Variants in AZI2 observed in about 807,000 individuals in gnomAD.
The protein encoded by AZI2 is 5-azacytidine-induced protein 2.
In AZI2, 22 loss-of-function variants were observed where a neutral mutation model predicts 45.8. That is an observed-to-expected ratio of 0.48 (90% CI 0.34 to 0.69). AZI2 has a LOEUF of 0.69. Among genes scored for constraint, AZI2 ranks in the 30% least tolerant of loss-of-function variants. The pLI, the probability that AZI2 is intolerant of heterozygous loss-of-function variation, is 0.01. For synonymous variants in AZI2, 137 were observed against 156.7 expected, an observed-to-expected ratio of 0.87 and a Z score of 0.94; for missense variants, 417 against 441.5, an observed-to-expected ratio of 0.94 and a Z score of 0.50.
chr3:28,340,366 G>C lies in AZI2; in HGVS notation c.216+36C>G, dbSNP rs558790299. The C allele has an allele frequency of 2.2e-6, 3 of 1,346,206 alleles. No homozygotes were observed. In the African/African-American group the frequency reaches 4.4e-5, roughly 20 times the overall value. The allele number at this position is 1,346,206 out of a possible 1,614,324, so 83.4% of individuals were successfully genotyped here. A position where few individuals can be genotyped will look rare whatever the true frequency, so the allele number is the denominator to read the frequency against. On this transcript the variant is annotated intron_variant, in intron 2 of 7. Coordinates refer to ENST00000479665, the MANE Select transcript of AZI2 (RefSeq NM_022461.5). ...TCAAGTATTTTGAATTATTCCTTAT[G>C]TCACAAACGCAATGAAGGTAAAAGA...
At chr3:28,334,804 GC>G (rs1217841957) in intron 5 of AZI2, among the ~76,000 whole-genome samples, 2 of 151,848 alleles carry the variant, frequency 1.3e-5, no homozygotes, top group Non-Finnish European at 2.9e-5. Context: ...TAAAAGTACT[GC>G]CCTTCTGGAT....
chr3:28,338,645 T>C, intron 2 of AZI2, 30 bp from the exon 3 acceptor site: 3 of 1,587,260 alleles, frequency 1.9e-6, no homozygotes, highest in Non-Finnish European at 2.6e-6. Context: ...AGAGAAAGCT[T>C]AAGAGAGTAT....
chr3:28,330,169 A>G (rs1048895073), intron 6 of AZI2, among the ~76,000 whole-genome samples: 5 of 151,212 alleles, frequency 3.3e-5, no homozygotes, highest in African/African-American at 1.2e-4. Flanking sequence ...TCAAAACAGG[A>G]CACTGGCAAG....
intron 6 of AZI2, 99 bp downstream of exon 6, chr3:28,332,270 T>C (rs1390832312): frequency 9.7e-7 from 1 of 1,027,714 alleles, no homozygotes; most frequent in African/African-American, 1.6e-5. Flanking sequence ...ATCCATTTTT[T>C]GTTTTTAAGG....
At chr3:28,344,201 T>A (rs967254300) in intron 1 of AZI2, among the ~76,000 whole-genome samples, 2 of 152,066 alleles carry the variant, frequency 1.3e-5, no homozygotes, top group Admixed American at 6.6e-5. Context: ...TTAAAATAAC[T>A]GTCATTTAAA....
At chr3:28,332,310 C>T (rs1703611489) in intron 6 of AZI2, 59 bp downstream of exon 6, 1 of 1,476,014 alleles carries the variant, frequency 6.8e-7, no homozygotes, top group Non-Finnish European at 9.4e-7. Context: ...TAAGGACCTA[C>T]ACAAAGTGAC....
At chr3:28,335,918 C>G (rs2125652990) in intron 5 of AZI2, among the ~76,000 whole-genome samples, 1 of 152,148 alleles carries the variant, frequency 6.6e-6, no homozygotes, top group Admixed American at 6.6e-5. Flanking sequence ...TACATGAATG[C>G]ATAAAATGGC....
chr3:28,344,219 TA>T (rs1704139202), intron 1 of AZI2, among the ~76,000 whole-genome samples: 1 of 152,008 alleles, frequency 6.6e-6, no homozygotes, highest in African/African-American at 2.4e-5. Context: ...AAATTTGTTA[TA>T]AAATGGAAAA....
intron 6 of AZI2, chr3:28,331,896 A>C (rs1030822101): frequency 4.5e-6 from 7 of 1,548,550 alleles, no homozygotes; most frequent in Non-Finnish European, 6.1e-6. Flanking sequence ...CAGTCCTCAA[A>C]ATTCATGCTA....
At chr3:28,334,167 C>A (rs1703700826) in intron 5 of AZI2, among the ~76,000 whole-genome samples, 1 of 151,760 alleles carries the variant, frequency 6.6e-6, no homozygotes. Context: ...ACTAAAACAA[C>A]ACTATTATAT....
At chr3:28,338,432 C>T (rs1703882639) in intron 3 of AZI2, 61 bp downstream of exon 3, 1 of 1,469,952 alleles carries the variant, frequency 6.8e-7, no homozygotes, top group South Asian at 1.5e-5. Context: ...TAATTTTAAA[C>T]CTCTTGAAGG....
intron 7 of AZI2, chr3:28,326,375 G>A (rs534511888): frequency 6.3e-6 from 1 of 158,692 alleles, no homozygotes; most frequent in African/African-American, 2.4e-5. Flanking sequence ...AAGCTTATAA[G>A]AAATGCAAAA....
chr3:28,338,179 C>T, intron 3 of AZI2, 143 bp from the exon 4 acceptor site: 1 of 496,546 alleles, frequency 2.0e-6, no homozygotes, highest in Non-Finnish European at 3.3e-6. Context: ...TCAGAAATGT[C>T]TTTTTTTCTT....
intron 1 of AZI2, among the ~76,000 whole-genome samples, chr3:28,345,406 G>C (rs1704183488): frequency 6.6e-6 from 1 of 151,872 alleles, no homozygotes; most frequent in African/African-American, 2.4e-5. Context: ...AATATAGTGG[G>C]GTGTTAAATA....
rs1703895068 is a variant in AZI2 at position 28,338,707 on chromosome 3, A to G, written c.217-92T>C. 6.0e-6 allele frequency: 7 copies of G among 1,172,196 alleles called. No individual in the cohort carries two copies. The South Asian group carries it at 9.4e-5, about 16-fold the overall frequency. 72.6% of individuals were successfully genotyped at this position (1,172,196 alleles called of 1,614,324 possible). A position where few individuals can be genotyped will look rare whatever the true frequency, so the allele number is the denominator to read the frequency against. On this transcript the variant is annotated intron_variant, in intron 2 of 7. Coordinates refer to ENST00000479665, the MANE Select transcript of AZI2 (RefSeq NM_022461.5). The stretch of plus-strand genomic sequence containing the variant: ...TCTGATGGCTCCATATCTTACTTCA[A>G]TCGTAATAAGGGGATAAAGCCTGGA...
intron 6 of AZI2, chr3:28,331,802 TAA>T: frequency 6.5e-7 from 1 of 1,531,048 alleles, no homozygotes; most frequent in Non-Finnish European, 8.8e-7. Context: ...GTTACTTAAG[TAA>T]AAATGATACG....
intron 6 of AZI2, among the ~76,000 whole-genome samples, chr3:28,328,806 A>C (rs1703478583): frequency 6.6e-6 from 1 of 151,338 alleles, no homozygotes; most frequent in Admixed American, 6.6e-5. Flanking sequence ...TTAACATTAA[A>C]AGTGCTACAA....
intron 1 of AZI2, among the ~76,000 whole-genome samples, chr3:28,346,749 C>T (rs938720448): frequency 2.0e-5 from 3 of 152,134 alleles, no homozygotes; most frequent in Non-Finnish European, 2.9e-5. Context: ...CAGACCAATG[C>T]TTATTCCCCT....
rs373906922 is a variant in AZI2, at chr3:28,337,921, C to G, written c.439+16G>C. On this transcript the variant is annotated intron_variant, in intron 4 of 7. Transcript: ENST00000479665. ...GTTAATTCTGTTAGAATATTTATAA[C>G]AAGTAACTGGCATACCCTGCTGAGT... 9.7e-5 allele frequency: 140 copies of G among 1,438,606 alleles called. No homozygotes were observed. The highest frequency in any genetic ancestry group is 1.2e-4 in the Non-Finnish European group (129 of 1,063,090). The allele number at this position is 1,438,606 out of a possible 1,614,324, so 89.1% of individuals were successfully genotyped here. A position where few individuals can be genotyped will look rare whatever the true frequency, so the allele number is the denominator to read the frequency against.
Sources: allele counts gnomAD v4.1 joint callset (sites outside exome capture counted in the v4.1 genomes callset), GRCh38; gene constraint gnomAD v4.1.1; transcripts MANE v1.5; gene names NCBI Gene and HGNC (gene_info 2026-07-23, HGNC 2026-07-21).